Variants in ZNF91 observed in about 807,000 individuals in gnomAD.
The protein encoded by ZNF91 is zinc finger protein 91 (HPF7, HTF10).
A neutral mutation model predicts 12.6 loss-of-function variants in ZNF91; 7 were observed. That is an observed-to-expected ratio of 0.55 (90% CI 0.31 to 1.04). The LOEUF is 1.04. ZNF91 is among the 50% of genes least tolerant of loss of function. ZNF91 has a pLI of 0.05. For synonymous variants in ZNF91, 453 were observed against 462.6 expected (o/e 0.98, Z 0.27); for missense variants, 1,217 against 1,385.4 (o/e 0.88, Z 1.93).
Position 23,373,785 on chromosome 19 carries a change from C to A in ZNF91, c.210G>T (p.Glu70Asp), listed in dbSNP as rs1427439919. The A allele has an allele frequency of 6.2e-7, 1 of 1,611,684 alleles. No individual in the cohort carries two copies. The highest frequency in any genetic ancestry group is 8.5e-7 in the Non-Finnish European group (1 of 1,178,642). Reference protein sequence around the residue: ...DLITYLEQGKEPWNMKQHEMV... With the variant: ...DLITYLEQGKDPWNMKQHEMV... Reference sequence around the variant, plus strand: ...TCTCATGTTGCTTCATATTCCAGGGCTCTTTTCCTTGCTCCAGATAAGTAA... The same window carrying A: ...TCTCATGTTGCTTCATATTCCAGGGATCTTTTCCTTGCTCCAGATAAGTAA... Residue 70 changes from glutamate (E) to aspartate (D), a missense_variant, in exon 3 of 4, where the codon GAG becomes GAT. Glu to Asp is a conservative substitution (Grantham distance 45). Coordinates refer to ENST00000300619, the MANE Select transcript of ZNF91 (RefSeq NM_003430.4).
chr19:23,378,050 ATTATGT>A (rs1162924900), intron 1 of ZNF91, among the ~76,000 whole-genome samples: 1 of 152,224 alleles, frequency 6.6e-6, no homozygotes, highest in African/African-American at 2.4e-5. Flanking sequence ...TAGATGAATT[ATTATGT>A]TTATATTTAC....
At chr19:23,340,933 TAATA>T (rs1165321870) in intron 3 of ZNF91, among the ~76,000 whole-genome samples, 1 of 151,488 alleles carries the variant, frequency 6.6e-6, no homozygotes, top group African/African-American at 2.4e-5. Context: ...ATAATAGTAA[TAATA>T]AAGAATTCTA....
intron 3 of ZNF91, among the ~76,000 whole-genome samples, chr19:23,370,043 C>CA (rs945592779): frequency 6.8e-6 from 1 of 148,032 alleles, no homozygotes; most frequent in Non-Finnish European, 1.5e-5. Flanking sequence ...AACAAACAAA[C>CA]AAAACTTATA....
At position 23,359,240 on chromosome 19, in the gene ZNF91, T is replaced by TTTA; in HGVS notation, c.*162_*163insTAA. 4 of 396,076 alleles carry TTTA rather than the reference T, an allele frequency of 1.0e-5. No homozygotes were observed. Among genetic ancestry groups the TTTA allele is most frequent in the East Asian group, 5.1e-5 (1 of 19,472 alleles). 24.5% of individuals were successfully genotyped at this position (396,076 alleles called of 1,614,324 possible). On this transcript the variant is annotated 3_prime_UTR_variant, in exon 4 of 4. Coordinates refer to ENST00000300619, the MANE Select transcript of ZNF91 (RefSeq NM_003430.4). ...GTATGAATTTTCTTTTTTTTTTTTT[T>TTTA]GAGACGGAGTCTCGCTCTGTCGCCC...
In ZNF91 at chr19:23,358,659, G is replaced by A. The variant is rs1968566338; in HGVS notation, c.*744C>T. ...CATAAATGCTTTCCTATGCATTAAG[G>A]TGTGAGCATTAGTTCAAAGCTTGGC... On this transcript the variant is annotated 3_prime_UTR_variant, in exon 4 of 4. Coordinates refer to ENST00000300619, the MANE Select transcript of ZNF91 (RefSeq NM_003430.4). The A allele has an allele frequency of 6.5e-6, 1 of 153,926 alleles. No individual in the cohort carries two copies. Among genetic ancestry groups the A allele is most frequent in the African/African-American group, 2.4e-5 (1 of 41,436 alleles). 9.5% of individuals were successfully genotyped at this position (153,926 alleles called of 1,614,324 possible). A position where few individuals can be genotyped will look rare whatever the true frequency, so the allele number is the denominator to read the frequency against.
intron 3 of ZNF91, among the ~76,000 whole-genome samples, chr19:23,344,219 C>T (rs567687332): frequency 2.0e-5 from 3 of 152,156 alleles, no homozygotes; most frequent in South Asian, 2.1e-4. Context: ...CTCAGCCTCC[C>T]GAGTAGCTGG....
rs375733564 is a variant in ZNF91, at chr19:23,362,629, T to C, written c.350A>G (p.His117Arg). The change falls in exon 4 of 4, where the codon CAT (histidine) becomes CGT (arginine). Residue 117 changes from histidine (H) to arginine (R), a missense_variant. Around this residue, in one of 2 missense-constraint regions of ZNF91, gnomAD observed 726 missense variants for 895.5 expected, o/e 0.81. Coordinates refer to ENST00000300619, the MANE Select transcript of ZNF91 (RefSeq NM_003430.4). ...VLLRKYEKCG[H>R]ENLQLRKGCK... The stretch of plus-strand genomic sequence containing the variant: ...ACCTTTTCTTAACTGTAAATTCTCA[T>C]GTCCACATTTTTCATATTTTCTCAG... 4.4e-6 allele frequency: 7 copies of C among 1,585,348 alleles called. No homozygotes were observed. Among genetic ancestry groups the C allele is most frequent in the Non-Finnish European group, 6.0e-6 (7 of 1,169,874 alleles).
At chr19:23,314,597 A>T (rs1967522143), upstream of ZNF91, among the ~76,000 whole-genome samples, 1 of 152,152 alleles carries the variant, frequency 6.6e-6, no homozygotes, top group Non-Finnish European at 1.5e-5. Context: ...GGCCCTGCTC[A>T]CTGAGGTTGT....
rs777173530 is a variant in ZNF91, at chr19:23,360,278, T to A, written c.2701A>T (p.Lys901Ter). ...GTTTTCTCTCTGGTATGAATTCTCT[T>A]ATGTTCAGTAAGGGTTGAGGACCAG... ...FIWSSTLTEH[K>*]RIHTREKTYK... is the part of the protein sequence containing the mutation. The change falls in exon 4 of 4, where the codon AAG (lysine) becomes TAG (stop). Residue 901 changes from lysine (K) to a stop codon, truncating the protein, a stop_gained. Coordinates refer to ENST00000300619, the MANE Select transcript of ZNF91 (RefSeq NM_003430.4). LOFTEE classifies it low-confidence loss of function (END_TRUNC). 6.2e-7 allele frequency: 1 copy of A among 1,613,896 alleles called. No homozygotes were observed. The highest frequency in any genetic ancestry group is 8.5e-7 in the Non-Finnish European group (1 of 1,179,860).
intron 1 of ZNF91, chr19:23,323,872 CG>C (rs1967779374): frequency 7.4e-6 from 1 of 134,930 alleles, no homozygotes; most frequent in African/African-American, 3.0e-5. Context: ...TTCTCCTCTT[CG>C]TTTCCTATTT....
intron 1 of ZNF91, among the ~76,000 whole-genome samples, chr19:23,377,797 T>A (rs1034231761): frequency 1.3e-5 from 2 of 152,232 alleles, no homozygotes; most frequent in African/African-American, 4.8e-5. Context: ...GCAATGTTTA[T>A]TAAGCAGGTA....
chr19:23,385,806 T>C (rs1244732506), intron 1 of ZNF91, among the ~76,000 whole-genome samples: 1 of 152,178 alleles, frequency 6.6e-6, no homozygotes, highest in East Asian at 1.9e-4. Context: ...ATTTTACGGG[T>C]TTTGGAGATT....
chr19:23,391,712 C>A (rs147004145), intron 1 of ZNF91, among the ~76,000 whole-genome samples: 30 of 152,236 alleles, frequency 2.0e-4, no homozygotes, highest in African/African-American at 7.2e-4. Flanking sequence ...GTGTGGGTTG[C>A]CAGCTTTCCA....
downstream of ZNF91, among the ~76,000 whole-genome samples, chr19:23,334,887 C>G (rs1248427646): frequency 1.3e-5 from 2 of 152,068 alleles, no homozygotes; most frequent in Non-Finnish European, 2.9e-5. Flanking sequence ...ATATATAAAA[C>G]CAAGTTACCT....
chr19:23,392,143 T>C (rs1336415256), intron 1 of ZNF91, among the ~76,000 whole-genome samples: 1 of 152,020 alleles, frequency 6.6e-6, no homozygotes, highest in Non-Finnish European at 1.5e-5. Flanking sequence ...TGCCTGTAAT[T>C]CCAGCACGTT....
intron 1 of ZNF91, among the ~76,000 whole-genome samples, chr19:23,330,225 G>T (rs1040591746): frequency 4.6e-5 from 7 of 152,206 alleles, no homozygotes; most frequent in African/African-American, 1.7e-4. Flanking sequence ...CAGCTACTCG[G>T]GAGGCCGAGG....
chr19:23,336,581 TTTTCCTA>T (rs1968012167), downstream of ZNF91, among the ~76,000 whole-genome samples: 1 of 152,214 alleles, frequency 6.6e-6, no homozygotes, highest in Non-Finnish European at 1.5e-5. Context: ...AGGTAGCTCC[TTTTCCTA>T]TTAGCAGAGC....
Position 23,374,745 on chromosome 19 carries a change from T to C in ZNF91, c.50A>G (p.Asp17Gly). Residue 17 changes from aspartate to glycine, a missense_variant, in exon 2 of 4, where the codon GAT becomes GGT. Physicochemically the swap from Asp to Gly is moderately conservative, Grantham distance 94. This residue lies in a region of ZNF91 where 726 missense variants were observed against 895.5 expected (regional missense o/e 0.81). Transcript: ENST00000300619. ...CTCCGGAGAGAATTCTATGGCCACA[T>C]CCCTAAATGTCAACAGTCCCTGAAA... Reference protein sequence around the residue: ...SLEMGLLTFRDVAIEFSPEEW... With the variant: ...SLEMGLLTFRGVAIEFSPEEW... 1 of 1,611,572 alleles carries C rather than the reference T, an allele frequency of 6.2e-7. No homozygotes were observed. The highest frequency in any genetic ancestry group is 8.5e-7 in the Non-Finnish European group (1 of 1,178,700).
chr19:23,358,143 G>A lies in ZNF91; in HGVS notation c.*1260C>T, dbSNP rs1267214988. 3.9e-5 allele frequency: 6 copies of A among 151,962 alleles called. No individual in the cohort carries two copies. Among genetic ancestry groups the A allele is most frequent in the African/African-American group, 1.5e-4 (6 of 41,372 alleles). 9.4% of individuals were successfully genotyped at this position (151,962 alleles called of 1,614,324 possible). On this transcript the variant is annotated 3_prime_UTR_variant, in exon 4 of 4. Coordinates refer to ENST00000300619, the MANE Select transcript of ZNF91 (RefSeq NM_003430.4). The stretch of plus-strand genomic sequence containing the variant: ...TAAGGTGGAATAGGTTAAAGTTACT[G>A]GCATAATAACACTTCATTGAATTCA...
Sources: gnomAD v4.1 joint callset for allele counts (sites outside exome capture counted in the v4.1 genomes callset) on GRCh38, gnomAD v4.1.1 for gene constraint, gnomAD v4.1.1 regional missense constraint, MANE v1.5 for transcripts, NCBI Gene and HGNC (gene_info 2026-07-23, HGNC 2026-07-21) for gene names.